CCT3: variants seen among roughly 807,000 people sequenced by gnomAD.
CCT3 encodes the protein T-complex protein 1 subunit gamma.
A neutral mutation model predicts 65.3 loss-of-function variants in CCT3; 10 were observed. That is an observed-to-expected ratio of 0.15 (90% confidence interval 0.09 to 0.26). The LOEUF is 0.26. Among genes scored for constraint, CCT3 ranks in the 10% least tolerant of loss-of-function variants. The pLI, the probability that CCT3 is intolerant of heterozygous loss-of-function variation, is 1.00. For synonymous variants in CCT3, 225 were observed against 242.3 expected (o/e 0.93, Z 0.66); for missense variants, 626 against 708.7 (o/e 0.88, Z 1.33).
At chr1:156,336,121 T>C (rs1210089821) in intron 1 of CCT3, 4 of 414,384 alleles carry the variant, frequency 9.7e-6, no homozygotes, top group Non-Finnish European at 1.7e-5. Flanking sequence ...TTTCAATCCT[T>C]GGTATATTAA....
chr1:156,333,737 G>A, intron 4 of CCT3, 94 bp from the exon 5 acceptor site: 3 of 821,888 alleles, frequency 3.7e-6, no homozygotes, highest in Middle Eastern at 2.4e-4. Context: ...GCTTCTATAC[G>A]TACTTACTTT....
intron 1 of CCT3, among the ~76,000 whole-genome samples, chr1:156,336,896 CT>C (rs151163562): frequency 6.8e-5 from 10 of 148,040 alleles, no homozygotes; most frequent in South Asian, 2.2e-4. Flanking sequence ...AAGAAGGCGG[CT>C]TTTTTTTTTC....
intron 1 of CCT3, among the ~76,000 whole-genome samples, chr1:156,336,236 T>C (rs866714174): frequency 3.3e-5 from 5 of 152,134 alleles, no homozygotes; most frequent in African/African-American, 4.8e-5. Context: ...CTTAGTGGGA[T>C]AGCGAACTCC....
In CCT3 at chr1:156,312,100, A is replaced by T; in HGVS notation, c.1096T>A (p.Cys366Ser). The T allele has an allele frequency of 6.2e-7, 1 of 1,613,226 alleles. No individual in the cohort carries two copies. Among genetic ancestry groups the T allele is most frequent in the Non-Finnish European group, 8.5e-7 (1 of 1,179,862 alleles). Residue 366 changes from cysteine (C) to serine (S), a missense_variant, in exon 11 of 14, where the codon TGC becomes AGC. By Grantham distance (112) the Cys-to-Ser change is moderately radical (BLOSUM62 -1). Coordinates refer to ENST00000295688, the MANE Select transcript of CCT3 (RefSeq NM_005998.5). ...GDEYFTFITDCKDPKACTILL... is the reference protein window; with the variant it reads ...GDEYFTFITDSKDPKACTILL... ...ATGGTGCAGGCCTTGGGGTCTTTGC[A>T]GTCAGTGATGAAAGTAAAGTATTCA...
At chr1:156,328,411 G>C (rs1474264339) in intron 5 of CCT3, among the ~76,000 whole-genome samples, 1 of 152,114 alleles carries the variant, frequency 6.6e-6, no homozygotes, top group Non-Finnish European at 1.5e-5. Flanking sequence ...TTGTGGAATA[G>C]AAAGGCGGGA....
At chr1:156,333,282 ACT>A (rs1338562758) in intron 5 of CCT3, 14 of 338,530 alleles carry the variant, frequency 4.1e-5, no homozygotes, top group Non-Finnish European at 6.0e-5. Context: ...ACAGAGTGAG[ACT>A]CTGTCTCAAA....
intron 10 of CCT3, among the ~76,000 whole-genome samples, chr1:156,313,338 C>CAAAAAA (rs772344039): frequency 3.4e-5 from 1 of 29,462 alleles, no homozygotes; most frequent in Non-Finnish European, 7.6e-5. Context: ...GATTCTGTCT[C>CAAAAAA]AAAAAAAAAA....
intron 5 of CCT3, among the ~76,000 whole-genome samples, chr1:156,325,964 A>G (rs541887802): frequency 1.3e-5 from 2 of 152,334 alleles, no homozygotes; most frequent in South Asian, 4.1e-4. Context: ...TGACTTGTTT[A>G]TTAGTACCTT....
intron 8 of CCT3, among the ~76,000 whole-genome samples, chr1:156,318,357 G>T (rs1213456496): frequency 6.6e-6 from 1 of 151,686 alleles, no homozygotes; most frequent in East Asian, 1.9e-4. Context: ...CCAAGTAGTG[G>T]GGACTACAGG....
intron 1 of CCT3, 71 bp downstream of exon 1, chr1:156,338,083 G>A (rs1449030457): frequency 7.2e-6 from 11 of 1,518,352 alleles, no homozygotes; most frequent in Middle Eastern, 1.7e-4. Context: ...GACGGAGCTG[G>A]GGCAACACTG....
chr1:156,312,554 G>A (rs888248075), intron 10 of CCT3, among the ~76,000 whole-genome samples: 2 of 152,044 alleles, frequency 1.3e-5, no homozygotes, highest in Non-Finnish European at 2.9e-5. Context: ...AGCTACTCAG[G>A]AGGGTGAGGT....
intron 10 of CCT3, among the ~76,000 whole-genome samples, chr1:156,314,692 C>T (rs902747612): frequency 6.6e-6 from 1 of 151,728 alleles, no homozygotes; most frequent in Non-Finnish European, 1.5e-5. Context: ...CCAGCGTGGG[C>T]GACAAGAGCG....
chr1:156,335,103 C>G, intron 2 of CCT3, 185 bp from the exon 3 acceptor site: 1 of 551,706 alleles, frequency 1.8e-6, no homozygotes, highest in East Asian at 3.0e-5. Context: ...ACCCCTGGGC[C>G]CAAGTGATCC....
At chr1:156,324,754 A>C (rs1004042032) in intron 6 of CCT3, among the ~76,000 whole-genome samples, 1 of 151,954 alleles carries the variant, frequency 6.6e-6, no homozygotes, top group African/African-American at 2.4e-5. Context: ...CAGCCTCCCA[A>C]GTAGCTGGGA....
At position 156,334,951 on chromosome 1, in the gene CCT3, C is replaced by T. The variant is rs150155254; in HGVS notation, c.94-33G>A. ...AAAGGGAACATAAAATACGCAAGCACAAATCAGAGGACAGTGTGAGAAATG... is the reference window on the plus strand; with the variant it reads ...AAAGGGAACATAAAATACGCAAGCATAAATCAGAGGACAGTGTGAGAAATG... On this transcript the variant is annotated intron_variant, in intron 2 of 13. Transcript: ENST00000295688. 38 of 1,597,884 alleles carry T rather than the reference C, an allele frequency of 2.4e-5. No homozygotes were observed. The African/African-American group carries it at 3.5e-4, about 15-fold the overall frequency.
rs1665259194 is a variant in CCT3, at chr1:156,334,700, A to C, written c.207+13T>G. The C allele has an allele frequency of 6.2e-7, 1 of 1,612,956 alleles. No individual in the cohort carries two copies. ...TCAGAAAGCAAAAAAACAAAACCAAAAACAAAACACACCTCTCGAAGAATG... is the reference window on the plus strand; with the variant it reads ...TCAGAAAGCAAAAAAACAAAACCAACAACAAAACACACCTCTCGAAGAATG... On this transcript the variant is annotated intron_variant, in intron 4 of 13. Transcript: ENST00000295688.
At chr1:156,337,853 G>A (rs1398664722) in intron 1 of CCT3, 2 of 494,674 alleles carry the variant, frequency 4.0e-6, no homozygotes, top group Non-Finnish European at 7.2e-6. Context: ...GGCTAGAAAG[G>A]GCGCAGGGGC....
chr1:156,310,653 C>T lies in CCT3; in HGVS notation c.1438G>A (p.Val480Ile), dbSNP rs746250638. ...HTQENCETWG[V>I]NGETGTLVDM... is the part of the protein sequence containing the mutation. ...ACCAAAGTACCCGTCTCACCATTTA[C>T]ACCCCAGGTCTCACAGTTCTCCTGG... Residue 480 changes from valine (V) to isoleucine (I), a missense_variant, in exon 13 of 14, where the codon GTA becomes ATA. Val to Ile is a conservative substitution (Grantham distance 29). Transcript: ENST00000295688. 12 of 1,613,844 alleles carry T rather than the reference C, an allele frequency of 7.4e-6. No homozygotes were observed. Among genetic ancestry groups the T allele is most frequent in the East Asian group, 2.2e-5 (1 of 44,894 alleles).
At chr1:156,324,459 G>A (rs1187869901) in intron 6 of CCT3, among the ~76,000 whole-genome samples, 4 of 152,096 alleles carry the variant, frequency 2.6e-5, no homozygotes, top group Admixed American at 2.6e-4. Context: ...GAAGCTAGAG[G>A]TAATATATGC....
Sources: allele counts gnomAD v4.1 joint callset (sites outside exome capture counted in the v4.1 genomes callset), GRCh38; gene constraint gnomAD v4.1.1; transcripts MANE v1.5; gene names NCBI Gene and HGNC (gene_info 2026-07-23, HGNC 2026-07-21).